ROBO2: variants seen among roughly 807,000 people sequenced by gnomAD.
The protein encoded by ROBO2 is roundabout guidance receptor 2, also known as roundabout homolog 2.
ROBO2 carries 53 observed loss-of-function variants against 160.8 expected under a neutral mutation model. That is an observed-to-expected ratio of 0.33 (90% CI 0.26 to 0.41). ROBO2 has a LOEUF of 0.41. ROBO2 is among the 10% of genes least tolerant of loss of function. ROBO2 has a pLI of 1.00. For missense variants in ROBO2, 1,577 were observed against 1,722.4 expected (o/e 0.92, Z 1.49); for synonymous variants, 664 against 611.7 (o/e 1.09, Z -1.26).
At chr3:76,599,639 TG>T (rs1490718948) in intron 2 of ROBO2, among the ~76,000 whole-genome samples, 1 of 152,192 alleles carries the variant, frequency 6.6e-6, no homozygotes, top group East Asian at 1.9e-4. Flanking sequence ...TCTTCCACAA[TG>T]GTTGAACTAA....
At chr3:76,283,509 A>G (rs906611606) in intron 2 of ROBO2, among the ~76,000 whole-genome samples, 10 of 151,886 alleles carry the variant, frequency 6.6e-5, no homozygotes, top group African/African-American at 2.4e-4. Context: ...CAATCTTAAA[A>G]CATGTGTATT....
intron 2 of ROBO2, among the ~76,000 whole-genome samples, chr3:76,179,831 G>A (rs947365669): frequency 1.3e-5 from 2 of 152,048 alleles, no homozygotes; most frequent in South Asian, 2.1e-4. Context: ...TTGATGGAAG[G>A]GGGGTTGGTA....
Position 77,617,758 on chromosome 3 carries a change from T to C in ROBO2, c.3539T>C (p.Ile1180Thr), listed in dbSNP as rs759692684. ...TTGACAAGAGCCTATCAGTTTGATA[T>C]AGCAAAACAAACATGGTAAATATCT... Residue 1180 changes from isoleucine (I) to threonine (T), a missense_variant, in exon 22 of 26, where the codon ATA (isoleucine) becomes ACA (threonine). Transcript: ENST00000461745. 52 of 1,613,052 alleles carry C rather than the reference T, an allele frequency of 3.2e-5. No homozygotes were observed. The highest frequency in any genetic ancestry group is 6.7e-5 in the Admixed American group (4 of 59,954).
At chr3:76,168,543 G>T (rs2072919484) in intron 2 of ROBO2, among the ~76,000 whole-genome samples, 1 of 151,940 alleles carries the variant, frequency 6.6e-6, no homozygotes, top group South Asian at 2.1e-4. Flanking sequence ...ATGGAGTTTG[G>T]GGGCTACAAC....
intron 2 of ROBO2, among the ~76,000 whole-genome samples, chr3:75,969,605 A>C (rs1023260899): frequency 3.3e-5 from 5 of 151,528 alleles, no homozygotes; most frequent in African/African-American, 1.2e-4. Context: ...CCATCCTAAC[A>C]GTTGTGAAGT....
At chr3:76,523,055 GACCTA>G (rs1380108703) in intron 2 of ROBO2, among the ~76,000 whole-genome samples, 2 of 148,014 alleles carry the variant, frequency 1.4e-5, no homozygotes, top group Admixed American at 1.4e-4. Flanking sequence ...ATATATTCTA[GACCTA>G]ACCTACAGCT....
chr3:75,922,659 T>C (rs151131130), intron 1 of ROBO2, among the ~76,000 whole-genome samples: 40 of 152,260 alleles, frequency 2.6e-4, no homozygotes, highest in African/African-American at 7.2e-4. Flanking sequence ...GAGAGCATTA[T>C]TGATACGGAG....
At chr3:76,170,914 C>G (rs2073016368) in intron 2 of ROBO2, among the ~76,000 whole-genome samples, 1 of 152,142 alleles carries the variant, frequency 6.6e-6, no homozygotes, top group South Asian at 2.1e-4. Flanking sequence ...TACACTAATA[C>G]AGTGATCATT....
chr3:77,390,409 G>A (rs1484907078), intron 2 of ROBO2, among the ~76,000 whole-genome samples: 1 of 152,138 alleles, frequency 6.6e-6, no homozygotes, highest in African/African-American at 2.4e-5. Context: ...CCTAGCAGAA[G>A]GTAATTGAAT....
At chr3:76,009,010 A>G (rs955460517) in intron 2 of ROBO2, among the ~76,000 whole-genome samples, 1 of 152,112 alleles carries the variant, frequency 6.6e-6, no homozygotes, top group Non-Finnish European at 1.5e-5. Context: ...GTTTGTTCAT[A>G]TTACTTTCTG....
chr3:76,424,812 T>G (rs1237917014), intron 2 of ROBO2, among the ~76,000 whole-genome samples: 1 of 152,190 alleles, frequency 6.6e-6, no homozygotes, highest in Non-Finnish European at 1.5e-5. Context: ...CATCCACAGC[T>G]TTTTTATTGC....
chr3:76,876,671 T>C (rs1381657874), intron 2 of ROBO2, among the ~76,000 whole-genome samples: 1 of 150,896 alleles, frequency 6.6e-6, no homozygotes, highest in Non-Finnish European at 1.5e-5. Context: ...TGAGACTCTG[T>C]CTCAAGAAAA....
intron 2 of ROBO2, among the ~76,000 whole-genome samples, chr3:76,274,230 A>AT (rs770659939): frequency 6.6e-6 from 1 of 152,116 alleles, no homozygotes; most frequent in Non-Finnish European, 1.5e-5. Context: ...CCAAATCAGT[A>AT]TTTTTTCTTG....
intron 2 of ROBO2, among the ~76,000 whole-genome samples, chr3:76,607,926 T>C (rs2087785477): frequency 6.6e-6 from 1 of 152,228 alleles, no homozygotes; most frequent in South Asian, 2.1e-4. Flanking sequence ...GCTAAGATTA[T>C]AAACCTATCT....
chr3:76,411,608 C>T (rs1436588380), intron 2 of ROBO2, among the ~76,000 whole-genome samples: 10 of 151,968 alleles, frequency 6.6e-5, no homozygotes, highest in Non-Finnish European at 4.4e-5. Context: ...TTTTTTTCCA[C>T]CACACCAGTT....
intron 2 of ROBO2, among the ~76,000 whole-genome samples, chr3:76,728,995 T>C (rs531747675): frequency 5.9e-5 from 9 of 152,172 alleles, no homozygotes; most frequent in Non-Finnish European, 1.2e-4. Context: ...TCTCTATTTT[T>C]GTCCTTTTTT....
intron 2 of ROBO2, among the ~76,000 whole-genome samples, chr3:76,216,370 GGATAAA>G (rs1207367914): frequency 6.6e-6 from 1 of 152,080 alleles, no homozygotes; most frequent in Non-Finnish European, 1.5e-5. Flanking sequence ...ACTGCAAATT[GGATAAA>G]GAGTCAAGAC....
intron 2 of ROBO2, among the ~76,000 whole-genome samples, chr3:77,334,293 G>C (rs2066264780): frequency 6.6e-6 from 1 of 152,122 alleles, no homozygotes; most frequent in East Asian, 1.9e-4. Flanking sequence ...AATCTGCCTT[G>C]GGCACTGCTG....
chr3:77,446,723 C>T (rs1414041497), intron 2 of ROBO2, among the ~76,000 whole-genome samples: 13 of 151,978 alleles, frequency 8.6e-5, no homozygotes, highest in African/African-American at 1.9e-4. Context: ...TATGAATGTC[C>T]GTTCTCCACA....
Sources: allele counts gnomAD v4.1 joint callset (sites outside exome capture counted in the v4.1 genomes callset), GRCh38; gene constraint gnomAD v4.1.1; transcripts MANE v1.5; gene names NCBI Gene and HGNC (gene_info 2026-07-23, HGNC 2026-07-21).